Variants in CFAP221 observed in about 807,000 individuals in gnomAD.
CFAP221 encodes cilia- and flagella-associated protein 221.
CFAP221 carries 97 observed loss-of-function variants against 113.1 expected under a neutral mutation model. That is an observed-to-expected ratio of 0.86 (90% CI 0.73 to 1.02). The LOEUF is 1.02. Ranked by LOEUF, CFAP221 falls within the 50% of genes least tolerant of loss-of-function variation. The probability of loss-of-function intolerance (pLI) is 0.00; values close to 1 mark genes in which losing one functional copy is unlikely to be tolerated. For synonymous variants in CFAP221, 331 were observed against 354.4 expected, an observed-to-expected ratio of 0.93 and a Z score of 0.74; for missense variants, 1,025 against 1,013.4, an observed-to-expected ratio of 1.01 and a Z score of -0.16.
chr2:119,604,463 C>G (rs776283886), intron 8 of CFAP221, among the ~76,000 whole-genome samples: 1 of 151,926 alleles, frequency 6.6e-6, no homozygotes, highest in Non-Finnish European at 1.5e-5. Flanking sequence ...AAAAAAAAAC[C>G]GTTGGTGGGC....
At chr2:119,614,090 T>G (rs1216904609) in intron 13 of CFAP221, among the ~76,000 whole-genome samples, 2 of 152,198 alleles carry the variant, frequency 1.3e-5, no homozygotes, top group Non-Finnish European at 1.5e-5. Flanking sequence ...CCCAGTCTCT[T>G]TGCTAAAACA....
chr2:119,580,053 C>T (rs1248416266), intron 6 of CFAP221: 1 of 152,236 alleles, frequency 6.6e-6, no homozygotes, highest in Non-Finnish European at 1.5e-5. Flanking sequence ...AAATACCTCA[C>T]ACGCATGTGT....
At chr2:119,569,352 T>C (rs867989761) in intron 6 of CFAP221, among the ~76,000 whole-genome samples, 1 of 152,036 alleles carries the variant, frequency 6.6e-6, no homozygotes, top group Non-Finnish European at 1.5e-5. Context: ...TCTCCTGACC[T>C]TGTGATCCAC....
chr2:119,544,486 A>T lies in CFAP221; in HGVS notation c.-72A>T, dbSNP rs1181100770. ...GGGCGCCGGCGCTGGCGCCGGCCGA[A>T]TCCGGCCCGGGAACCACCTCCAGGG... is the stretch of plus-strand genomic sequence containing the variant. On this transcript the variant is annotated 5_prime_UTR_variant, in exon 1 of 24. Transcript: ENST00000413369. 6.6e-6 allele frequency: 1 copy of T among 151,786 alleles called. No individual in the cohort carries two copies. The highest frequency in any genetic ancestry group is 1.5e-5 in the Non-Finnish European group (1 of 67,928). 9.4% of individuals were successfully genotyped at this position (151,786 alleles called of 1,614,324 possible).
intron 20 of CFAP221, among the ~76,000 whole-genome samples, chr2:119,639,323 T>A (rs1687330290): frequency 6.6e-6 from 1 of 152,174 alleles, no homozygotes. Flanking sequence ...TCCAGCCACA[T>A]TCCCTTCTGC....
chr2:119,558,833 A>T (rs1443291585), intron 3 of CFAP221, among the ~76,000 whole-genome samples: 1 of 152,100 alleles, frequency 6.6e-6, no homozygotes, highest in Non-Finnish European at 1.5e-5. Context: ...AAAATAAAAA[A>T]CAAAAAACCA....
At position 119,605,174 on chromosome 2, in the gene CFAP221, C is replaced by A; in HGVS notation, c.1025-7C>A. 6.2e-7 allele frequency: 1 copy of A among 1,607,436 alleles called. No homozygotes were observed. Among genetic ancestry groups the A allele is most frequent in the Non-Finnish European group, 8.5e-7 (1 of 1,174,050 alleles). On this transcript the variant is annotated splice_region_variant and splice_polypyrimidine_tract_variant and intron_variant, in intron 10 of 23. Transcript: ENST00000413369. ...CTGGTATAAACATTGTCTGCTCCTG[C>A]CTTCAGTTTTGGACCAGGGCACTGA... is the stretch of plus-strand genomic sequence containing the variant.
At chr2:119,567,581 T>C (rs1681739973) in intron 6 of CFAP221, among the ~76,000 whole-genome samples, 2 of 152,338 alleles carry the variant, frequency 1.3e-5, no homozygotes, top group Non-Finnish European at 2.9e-5. Context: ...GCATTAAACA[T>C]CCATATGCAG....
At chr2:119,646,925 C>A in intron 21 of CFAP221, 33 bp from the exon 22 acceptor site, 1 of 1,563,648 alleles carries the variant, frequency 6.4e-7, no homozygotes, top group South Asian at 1.1e-5. Flanking sequence ...TAGTGTGACT[C>A]TATCTTTGAC....
At chr2:119,607,924 G>C (rs1308136089) in intron 11 of CFAP221, among the ~76,000 whole-genome samples, 1 of 152,216 alleles carries the variant, frequency 6.6e-6, no homozygotes, top group Non-Finnish European at 1.5e-5. Context: ...GGACATTTCA[G>C]TAGTTTCCAC....
Position 119,629,902 on chromosome 2 carries a change from A to G in CFAP221, c.1678A>G (p.Ile560Val), listed in dbSNP as rs779860834. ...LAPDGLGLVP[I>V]KSSEVQIKQS... ...TCCTGATGGCCTTGGACTGGTCCCA[A>G]TTAAGTCTTCAGAAGTTCAAATCAA... The change falls in exon 17 of 24, where the codon ATT (isoleucine) becomes GTT (valine). Residue 560 changes from isoleucine (I) to valine (V), a missense_variant. Ile to Val is a conservative substitution (Grantham distance 29). Transcript: ENST00000413369. 25 of 1,613,632 alleles carry G rather than the reference A, an allele frequency of 1.5e-5. No homozygotes were observed. The highest frequency in any genetic ancestry group is 2.7e-5 in the African/African-American group (2 of 74,922).
chr2:119,604,729 A>G lies in CFAP221; in HGVS notation c.849A>G (p.Glu283=). 1 of 1,550,492 alleles carries G rather than the reference A, an allele frequency of 6.4e-7. No individual in the cohort carries two copies. The highest frequency in any genetic ancestry group is 8.7e-7 in the Non-Finnish European group (1 of 1,153,512). ...CTAAGAAAGTAAACGTTCCTCCAGAAAAAGCAATGATGCATATAAATTTTC... is the reference window on the plus strand; with the variant it reads ...CTAAGAAAGTAAACGTTCCTCCAGAGAAAGCAATGATGCATATAAATTTTC... The part of the protein sequence containing the change: ...TLSKKVNVPP[E]KAMMHINFHR... The change falls in exon 9 of 24, where the codon GAA becomes GAG. Residue 283 remains glutamate (E), a synonymous_variant. Transcript: ENST00000413369.
chr2:119,562,598 T>C (rs1681337883), intron 6 of CFAP221, among the ~76,000 whole-genome samples: 1 of 152,200 alleles, frequency 6.6e-6, no homozygotes, highest in South Asian at 2.1e-4. Context: ...ACCCATCCAT[T>C]AACCAATCTG....
At chr2:119,622,505 C>G (rs924139647) in intron 14 of CFAP221, among the ~76,000 whole-genome samples, 1 of 152,174 alleles carries the variant, frequency 6.6e-6, no homozygotes, top group Non-Finnish European at 1.5e-5. Context: ...GGACTCCTCC[C>G]TAACTCATTT....
At position 119,647,001 on chromosome 2, in the gene CFAP221, G is replaced by T; in HGVS notation, c.2269G>T (p.Ala757Ser). Residue 757 changes from alanine (A) to serine (S), a missense_variant, in exon 22 of 24, where the codon GCC becomes TCC. Physicochemically the swap from Ala to Ser is moderately conservative, Grantham distance 99. Coordinates refer to ENST00000413369, the MANE Select transcript of CFAP221 (RefSeq NM_001271049.2). ...ATTTATGCTTCCGATAGACGTCCCT[G>T]CCATCCTTGATGCCTTACCAGAAGA... ...NSFMLPIDVP[A>S]ILDALPEEDR... 1 of 1,613,528 alleles carries T rather than the reference G, an allele frequency of 6.2e-7. No homozygotes were observed. The highest frequency in any genetic ancestry group is 1.7e-4 in the Middle Eastern group (1 of 6,060).
intron 7 of CFAP221, among the ~76,000 whole-genome samples, chr2:119,597,279 G>A (rs894177073): frequency 3.3e-5 from 5 of 152,168 alleles, no homozygotes; most frequent in Non-Finnish European, 5.9e-5. Context: ...GTATAATCAA[G>A]CAAGGTCTAA....
In CFAP221 at chr2:119,569,432, T is replaced by C. The variant is rs1574024115; in HGVS notation, c.527+7318T>C. Among the ~76,000 whole-genome samples the C allele has an allele frequency of 3.9e-5, 6 of 152,158 alleles. No individual in the cohort carries two copies. In the South Asian group the frequency reaches 1.0e-3, roughly 26 times the overall value. On this transcript the variant is annotated intron_variant, in intron 6 of 23. Coordinates refer to ENST00000413369, the MANE Select transcript of CFAP221 (RefSeq NM_001271049.2). ...CGCACCGGCCTTCTTTCAATATTTT[T>C]TTTTCTCTCTGGTTCTCTGTAGTTT...
At chr2:119,635,327 T>A (rs1169761635) in intron 19 of CFAP221, among the ~76,000 whole-genome samples, 1 of 152,182 alleles carries the variant, frequency 6.6e-6, no homozygotes, top group East Asian at 1.9e-4. Context: ...CCAAGATAAA[T>A]AGAAGCATTA....
At chr2:119,646,914 C>G in intron 21 of CFAP221, 44 bp from the exon 22 acceptor site, 2 of 1,526,902 alleles carry the variant, frequency 1.3e-6, no homozygotes, top group Non-Finnish European at 1.8e-6. Context: ...CCCAAGACTT[C>G]TAGTGTGACT....
Sources: allele counts gnomAD v4.1 joint callset (sites outside exome capture counted in the v4.1 genomes callset), GRCh38; gene constraint gnomAD v4.1.1; transcripts MANE v1.5; gene names NCBI Gene and HGNC (gene_info 2026-07-23, HGNC 2026-07-21).